HAUS2: variants seen among roughly 807,000 people sequenced by gnomAD.
The protein encoded by HAUS2 is HAUS augmin-like complex subunit 2.
Under a neutral mutation model 21.6 loss-of-function variants are expected in HAUS2, and 20 were observed. The ratio of observed to expected loss-of-function variants is 0.93; its 90% confidence interval spans 0.65 to 1.35. HAUS2 has a LOEUF of 1.35. HAUS2 is among the 40% of genes most tolerant of loss of function. The probability of loss-of-function intolerance (pLI) is 0.00; values close to 1 mark genes in which losing one functional copy is unlikely to be tolerated. For synonymous variants in HAUS2, 113 were observed against 95.6 expected, an observed-to-expected ratio of 1.18 and a Z score of -1.06; for missense variants, 297 against 280.7, an observed-to-expected ratio of 1.06 and a Z score of -0.42.
chr15:42,558,145 A>T, intron 1 of HAUS2, 53 bp from the exon 2 acceptor site: 4 of 771,884 alleles, frequency 5.2e-6, no homozygotes, highest in East Asian at 2.5e-5. Context: ...ATTCCAATGT[A>T]CCTAGAAACT....
At chr15:42,566,306 G>T (rs1015276682) in intron 5 of HAUS2, among the ~76,000 whole-genome samples, 1 of 152,096 alleles carries the variant, frequency 6.6e-6, no homozygotes, top group Non-Finnish European at 1.5e-5. Flanking sequence ...TTGAGATATT[G>T]AAGGTACATC....
At chr15:42,565,131 T>C (rs2057893523) in intron 5 of HAUS2, among the ~76,000 whole-genome samples, 1 of 152,014 alleles carries the variant, frequency 6.6e-6, no homozygotes, top group East Asian at 1.9e-4. Flanking sequence ...GCCACCGCAC[T>C]TGCCAAAGTA....
intron 1 of HAUS2, among the ~76,000 whole-genome samples, chr15:42,555,812 C>T (rs936837793): frequency 2.0e-5 from 3 of 152,056 alleles, no homozygotes; most frequent in Admixed American, 2.0e-4. Flanking sequence ...ATATGTAAGG[C>T]TTTGTGGGCC....
intron 1 of HAUS2, among the ~76,000 whole-genome samples, chr15:42,556,911 T>C (rs1010543222): frequency 6.6e-6 from 1 of 150,876 alleles, no homozygotes; most frequent in African/African-American, 2.4e-5. Context: ...TCCCAGCTAC[T>C]TGGGAAGCTG....
At chr15:42,557,311 A>C (rs1262967255) in intron 1 of HAUS2, among the ~76,000 whole-genome samples, 2 of 91,350 alleles carry the variant, frequency 2.2e-5, no homozygotes, top group African/African-American at 8.2e-5. Flanking sequence ...GTGAGACTCC[A>C]TTTAAAAATA....
At chr15:42,565,659 C>T (rs954382787) in intron 5 of HAUS2, among the ~76,000 whole-genome samples, 1 of 152,072 alleles carries the variant, frequency 6.6e-6, no homozygotes. Flanking sequence ...GATTCCTGTG[C>T]ACATTAAAGT....
intron 4 of HAUS2, among the ~76,000 whole-genome samples, chr15:42,561,838 G>T (rs1310972770): frequency 6.6e-6 from 1 of 152,134 alleles, no homozygotes; most frequent in South Asian, 2.1e-4. Flanking sequence ...CTGTTTATAT[G>T]CCTCAAAGCC....
At chr15:42,560,643 G>A (rs898661281) in intron 3 of HAUS2, 2 of 463,346 alleles carry the variant, frequency 4.3e-6, no homozygotes, top group East Asian at 7.7e-5. Context: ...TTTTAAGAGT[G>A]TGTCACTCTG....
At chr15:42,553,532 T>TC (rs1164446130) in intron 1 of HAUS2, among the ~76,000 whole-genome samples, 2 of 152,100 alleles carry the variant, frequency 1.3e-5, no homozygotes, top group African/African-American at 4.8e-5. Flanking sequence ...TAGTTGTACT[T>TC]CCTATTTATT....
At chr15:42,564,923 C>T (rs1419146069) in intron 5 of HAUS2, among the ~76,000 whole-genome samples, 1 of 152,232 alleles carries the variant, frequency 6.6e-6, no homozygotes, top group African/African-American at 2.4e-5. Flanking sequence ...GCAACCTCCG[C>T]CTCTTGGGTT....
At chr15:42,550,027 G>A (rs991151053) in intron 1 of HAUS2, among the ~76,000 whole-genome samples, 3 of 151,946 alleles carry the variant, frequency 2.0e-5, no homozygotes, top group African/African-American at 7.3e-5. Flanking sequence ...GAAAAATGGG[G>A]AAATAAATTT....
rs1451353015 is a variant in HAUS2 at position 42,569,000 on chromosome 15, A to G, written c.*2184A>G. On this transcript the variant is annotated 3_prime_UTR_variant, in exon 6 of 6. Transcript: ENST00000260372. ...GGTAGTCTTGGAGACCCTGGCATAC[A>G]AAGCAGTTCCTAAGTGTTTACTGGT... 6.6e-6 allele frequency: 1 copy of G among 152,236 alleles called. No homozygotes were observed. The highest frequency in any genetic ancestry group is 1.5e-5 in the Non-Finnish European group (1 of 68,050). The allele number at this position is 152,236 out of a possible 1,614,324, so 9.4% of individuals were successfully genotyped here.
At chr15:42,558,521 G>T (rs1364631646) in intron 2 of HAUS2, among the ~76,000 whole-genome samples, 1 of 151,590 alleles carries the variant, frequency 6.6e-6, no homozygotes, top group South Asian at 2.1e-4. Flanking sequence ...TAGAGATGGG[G>T]TTTCACCATG....
chr15:42,560,403 A>G (rs2141601413), intron 3 of HAUS2, among the ~76,000 whole-genome samples: 1 of 152,052 alleles, frequency 6.6e-6, no homozygotes, highest in East Asian at 1.9e-4. Context: ...AGAGAGAGAG[A>G]GAGAGAGAAG....
intron 1 of HAUS2, among the ~76,000 whole-genome samples, chr15:42,552,903 A>G (rs1057197210): frequency 6.6e-6 from 1 of 152,200 alleles, no homozygotes; most frequent in Non-Finnish European, 1.5e-5. Context: ...TCAGTATGAA[A>G]AGGAAGGGAT....
chr15:42,549,638 A>G (rs2057699673), intron 1 of HAUS2, among the ~76,000 whole-genome samples: 1 of 151,058 alleles, frequency 6.6e-6, no homozygotes. Flanking sequence ...TTTAGTAGAG[A>G]CGGGGTTTCA....
chr15:42,560,770 A>AT (rs991304824), intron 3 of HAUS2: 14 of 700,668 alleles, frequency 2.0e-5, no homozygotes, highest in Middle Eastern at 2.3e-4. Flanking sequence ...TGTTTTTTCA[A>AT]TTTTTTTGTA....
rs1025475008 is a variant in HAUS2 at position 42,569,592 on chromosome 15, C to G, written c.*2776C>G. On this transcript the variant is annotated 3_prime_UTR_variant, in exon 6 of 6. Coordinates refer to ENST00000260372, the MANE Select transcript of HAUS2 (RefSeq NM_018097.3). The stretch of plus-strand genomic sequence containing the variant: ...AAAGTGCTGGGAGTACAGGTGTTAG[C>G]CACTGCGCCTGGCCTCATTGTACTC... The G allele has an allele frequency of 2.0e-5, 3 of 152,174 alleles. No homozygotes were observed. The highest frequency in any genetic ancestry group is 7.2e-5 in the African/African-American group (3 of 41,438). The allele number at this position is 152,174 out of a possible 1,614,324, so 9.4% of individuals were successfully genotyped here.
In HAUS2 at chr15:42,564,992, C is replaced by A. The variant is rs756041964; in HGVS notation, c.498+1135C>A. Among the ~76,000 whole-genome samples, 22 of 152,166 alleles carry A rather than the reference C, an allele frequency of 1.4e-4. 1 individual carries two copies. Among genetic ancestry groups the A allele is most frequent in the Non-Finnish European group, 2.6e-4 (18 of 68,028 alleles). Reference sequence around the variant, plus strand: ...CTGGGATTACAGGTGCCCACCACCACACCTGGCTAATAGTTTGTATTTTTA... The same window carrying A: ...CTGGGATTACAGGTGCCCACCACCAAACCTGGCTAATAGTTTGTATTTTTA... On this transcript the variant is annotated intron_variant, in intron 5 of 5. Coordinates refer to ENST00000260372, the MANE Select transcript of HAUS2 (RefSeq NM_018097.3).
Sources: gnomAD v4.1 joint callset for allele counts (sites outside exome capture counted in the v4.1 genomes callset) on GRCh38, gnomAD v4.1.1 for gene constraint, MANE v1.5 for transcripts, NCBI Gene and HGNC (gene_info 2026-07-23, HGNC 2026-07-21) for gene names.